FXN: variants seen among roughly 807,000 people sequenced by gnomAD.
The protein encoded by FXN is frataxin.
FXN carries 14 observed loss-of-function variants against 22.4 expected under a neutral mutation model. That is an observed-to-expected ratio of 0.62 (90% CI 0.41 to 0.98). The LOEUF is 0.98. Ranked by LOEUF, FXN falls within the 50% of genes least tolerant of loss-of-function variation. FXN has a pLI of 0.00. For missense variants in FXN, 267 were observed against 268.4 expected, an observed-to-expected ratio of 0.99 and a Z score of 0.04; for synonymous variants, 120 against 114.1, an observed-to-expected ratio of 1.05 and a Z score of -0.33.
chr9:69,072,689 C>T lies in FXN; in HGVS notation c.560C>T (p.Ala187Val), dbSNP rs1474150285. Residue 187 changes from alanine (A) to valine (V), a missense_variant, in exon 5 of 5, where the codon GCC becomes GTC. Physicochemically the swap from Ala to Val is moderately conservative, Grantham distance 64. Coordinates refer to ENST00000484259, the MANE Select transcript of FXN (RefSeq NM_000144.5). ...GGCGTGTCCCTCCATGAGCTGCTGG[C>T]CGCAGAGCTCACTAAAGCCTTAAAA... The part of the protein sequence containing the change: ...HDGVSLHELL[A>V]AELTKALKTK... 6.2e-7 allele frequency: 1 copy of T among 1,614,194 alleles called. No individual in the cohort carries two copies. The highest frequency in any genetic ancestry group is 8.5e-7 in the Non-Finnish European group (1 of 1,180,046).
In FXN at chr9:69,075,795, A is replaced by G; in HGVS notation, c.*3033A>G. 2 of 836,808 alleles carry G rather than the reference A, an allele frequency of 2.4e-6. No individual in the cohort carries two copies. Among genetic ancestry groups the G allele is most frequent in the Non-Finnish European group, 2.9e-6 (2 of 694,940 alleles). The allele number at this position is 836,808 out of a possible 1,614,324, so 51.8% of individuals were successfully genotyped here. On this transcript the variant is annotated 3_prime_UTR_variant, in exon 5 of 5. Coordinates refer to ENST00000484259, the MANE Select transcript of FXN (RefSeq NM_000144.5). ...ACTCAGGCTGGAGGACAGTGGTACA[A>G]TCAAAGCTCATGGCAGCCTCGACCT...
chr9:69,072,927 C>G lies in FXN; in HGVS notation c.*165C>G. ...CAGCTCTGTAGAAAGAATGTGTTGC[C>G]TCCTACCTTGCCCCCAAGTTCTGAT... is the stretch of plus-strand genomic sequence containing the variant. On this transcript the variant is annotated 3_prime_UTR_variant, in exon 5 of 5. Coordinates refer to ENST00000484259, the MANE Select transcript of FXN (RefSeq NM_000144.5). 3 of 1,469,824 alleles carry G rather than the reference C, an allele frequency of 2.0e-6. No individual in the cohort carries two copies. Among genetic ancestry groups the G allele is most frequent in the Non-Finnish European group, 2.7e-6 (3 of 1,119,128 alleles). The allele number at this position is 1,469,824 out of a possible 1,614,324, so 91.0% of individuals were successfully genotyped here. A position where few individuals can be genotyped will look rare whatever the true frequency, so the allele number is the denominator to read the frequency against.
At chr9:69,061,426 G>A (rs1294545302) in intron 3 of FXN, among the ~76,000 whole-genome samples, 1 of 152,040 alleles carries the variant, frequency 6.6e-6, no homozygotes, top group African/African-American at 2.4e-5. Flanking sequence ...GCTGGATTGT[G>A]GCCCCCCAGT....
At chr9:69,067,307 A>G (rs915310990) in intron 4 of FXN, among the ~76,000 whole-genome samples, 1 of 152,258 alleles carries the variant, frequency 6.6e-6, no homozygotes, top group Non-Finnish European at 1.5e-5. Flanking sequence ...TCTTCTTGGA[A>G]GGAGCAGGCC....
At chr9:69,041,807 G>T (rs1831662005) in intron 1 of FXN, among the ~76,000 whole-genome samples, 1 of 152,176 alleles carries the variant, frequency 6.6e-6, no homozygotes, top group Non-Finnish European at 1.5e-5. Flanking sequence ...TTCCTCAAAT[G>T]CATCCCATGA....
chr9:69,059,119 G>A (rs1209646004), intron 3 of FXN, among the ~76,000 whole-genome samples: 1 of 152,090 alleles, frequency 6.6e-6, no homozygotes, highest in Non-Finnish European at 1.5e-5. Context: ...GAAACAGCCA[G>A]GTTGGTTACA....
chr9:69,070,649 T>C (rs1008130239), intron 4 of FXN, among the ~76,000 whole-genome samples: 1 of 152,228 alleles, frequency 6.6e-6, no homozygotes, highest in African/African-American at 2.4e-5. Context: ...GCAGTTGCTC[T>C]TATTGAAGTT....
intron 2 of FXN, among the ~76,000 whole-genome samples, chr9:69,048,761 A>T (rs549701672): frequency 6.6e-6 from 1 of 152,264 alleles, no homozygotes; most frequent in East Asian, 1.9e-4. Context: ...ATTCAGGAAC[A>T]TTCTACCTGT....
chr9:69,074,292 C>G lies in FXN; in HGVS notation c.*1530C>G. 1.0e-6 allele frequency: 1 copy of G among 985,162 alleles called. No individual in the cohort carries two copies. The highest frequency in any genetic ancestry group is 1.2e-6 in the Non-Finnish European group (1 of 829,748). The allele number at this position is 985,162 out of a possible 1,614,324, so 61.0% of individuals were successfully genotyped here. A position where few individuals can be genotyped will look rare whatever the true frequency, so the allele number is the denominator to read the frequency against. On this transcript the variant is annotated 3_prime_UTR_variant, in exon 5 of 5. Coordinates refer to ENST00000484259, the MANE Select transcript of FXN (RefSeq NM_000144.5). ...TCATTTTAATTTTTACTGACCTGCA[C>G]TTTATACAAAGCAACAAGCCTCCAG...
At chr9:69,053,675 G>A (rs1004873121) in intron 3 of FXN, among the ~76,000 whole-genome samples, 2 of 152,150 alleles carry the variant, frequency 1.3e-5, no homozygotes, top group Non-Finnish European at 2.9e-5. Flanking sequence ...ACCCATGAAG[G>A]CAAATCAGAG....
chr9:69,042,914 C>G lies in FXN; in HGVS notation c.166-3471C>G, dbSNP rs186868070. 5.5e-3 allele frequency among the ~76,000 whole-genome samples: 844 copies of G among 152,294 alleles called. 1 individual carries two copies. Among genetic ancestry groups the G allele is most frequent in the Non-Finnish European group, 8.6e-3 (586 of 68,016 alleles). ...GGGGCCAGACAGCTTGGGTTCAATC[C>G]CAGCTCTGCCACTTAATGTCTGTGT... On this transcript the variant is annotated intron_variant, in intron 1 of 4. Transcript: ENST00000484259.
In FXN at chr9:69,077,775, C is replaced by G. The variant is rs950666522; in HGVS notation, c.*5013C>G. On this transcript the variant is annotated 3_prime_UTR_variant, in exon 5 of 5. Coordinates refer to ENST00000484259, the MANE Select transcript of FXN (RefSeq NM_000144.5). ...TAAAACCCCGCCTCTACTAAAAATACAAAAATTAGCTGGCCGTAGTGGCGC... is the reference window on the plus strand; with the variant it reads ...TAAAACCCCGCCTCTACTAAAAATAGAAAAATTAGCTGGCCGTAGTGGCGC... 4.6e-6 allele frequency: 3 copies of G among 651,594 alleles called. No individual in the cohort carries two copies. Among genetic ancestry groups the G allele is most frequent in the South Asian group, 1.4e-4 (2 of 14,628 alleles). The allele number at this position is 651,594 out of a possible 1,614,324, so 40.4% of individuals were successfully genotyped here. A position where few individuals can be genotyped will look rare whatever the true frequency, so the allele number is the denominator to read the frequency against.
In FXN at chr9:69,078,164, T is replaced by G; in HGVS notation, c.*5402T>G. ...GATGAGTTTGGAGTCAGGATTTCTC[T>G]GTAAGATTGCCTAGGCTGTGTACTG... On this transcript the variant is annotated 3_prime_UTR_variant, in exon 5 of 5. Coordinates refer to ENST00000484259, the MANE Select transcript of FXN (RefSeq NM_000144.5). The G allele has an allele frequency of 1.0e-6, 1 of 985,188 alleles. No homozygotes were observed. Among genetic ancestry groups the G allele is most frequent in the Non-Finnish European group, 1.2e-6 (1 of 829,742 alleles). The allele number at this position is 985,188 out of a possible 1,614,324, so 61.0% of individuals were successfully genotyped here. A position where few individuals can be genotyped will look rare whatever the true frequency, so the allele number is the denominator to read the frequency against.
chr9:69,066,535 ACC>A (rs901043638), intron 4 of FXN, among the ~76,000 whole-genome samples: 3 of 151,764 alleles, frequency 2.0e-5, no homozygotes, highest in Non-Finnish European at 4.4e-5. Flanking sequence ...GAGGATTTTA[ACC>A]TCTGTGGGCC....
chr9:69,047,346 C>G (rs1831775625), intron 2 of FXN, among the ~76,000 whole-genome samples: 1 of 148,554 alleles, frequency 6.7e-6, no homozygotes, highest in African/African-American at 2.5e-5. Context: ...GACACACACA[C>G]ACAGACACAC....
At chr9:69,067,611 AAACAACAAC>A (rs201044395) in intron 4 of FXN, among the ~76,000 whole-genome samples, 3 of 152,128 alleles carry the variant, frequency 2.0e-5, no homozygotes, top group South Asian at 2.1e-4. Flanking sequence ...CAAAGCCTCA[AAACAACAAC>A]AACAACAACA....
At chr9:69,071,238 C>G (rs1587831531) in intron 4 of FXN, 2 of 518,992 alleles carry the variant, frequency 3.9e-6, no homozygotes, top group African/African-American at 3.8e-5. Flanking sequence ...GTTTATTAGT[C>G]CTTTTCCTGT....
intron 3 of FXN, among the ~76,000 whole-genome samples, chr9:69,056,931 G>T (rs986088019): frequency 1.4e-5 from 2 of 139,994 alleles, no homozygotes; most frequent in African/African-American, 4.9e-5. Flanking sequence ...TTTTAGTAGA[G>T]ACTGGGTTTT....
chr9:69,073,671 C>T lies in FXN; in HGVS notation c.*909C>T. ...TAGTTGTCCCTTTGTGGACAAGTTT[C>T]CCAAATTCCCTGGACCTCTGCTTCC... is the stretch of plus-strand genomic sequence containing the variant. On this transcript the variant is annotated 3_prime_UTR_variant, in exon 5 of 5. Coordinates refer to ENST00000484259, the MANE Select transcript of FXN (RefSeq NM_000144.5). 1.0e-6 allele frequency: 1 copy of T among 985,346 alleles called. No homozygotes were observed. Among genetic ancestry groups the T allele is most frequent in the Non-Finnish European group, 1.2e-6 (1 of 829,934 alleles). The allele number at this position is 985,346 out of a possible 1,614,324, so 61.0% of individuals were successfully genotyped here. A position where few individuals can be genotyped will look rare whatever the true frequency, so the allele number is the denominator to read the frequency against.
Sources: allele counts gnomAD v4.1 joint callset (sites outside exome capture counted in the v4.1 genomes callset), GRCh38; gene constraint gnomAD v4.1.1; transcripts MANE v1.5; gene names NCBI Gene and HGNC (gene_info 2026-07-23, HGNC 2026-07-21).